Variants in CDC42BPG observed in about 807,000 individuals in gnomAD.
CDC42BPG encodes the protein serine/threonine-protein kinase MRCK gamma.
In CDC42BPG, 157 loss-of-function variants were observed where a neutral mutation model predicts 192.2. That is an observed-to-expected ratio of 0.82 (90% CI 0.72 to 0.93). The LOEUF (loss-of-function observed/expected upper bound fraction) is 0.93, where lower values mean the gene tolerates loss of function less well. Among genes scored for constraint, CDC42BPG ranks in the 40% least tolerant of loss-of-function variants. The pLI is 0.00. For missense variants in CDC42BPG, 1,992 were observed against 2,122.1 expected (o/e 0.94, Z 1.20); for synonymous variants, 981 against 918.5 (o/e 1.07, Z -1.23).
intron 18 of CDC42BPG, 67 bp downstream of exon 18, chr11:64,834,782 G>A: frequency 6.8e-7 from 1 of 1,472,818 alleles, no homozygotes; most frequent in Non-Finnish European, 9.3e-7. Context: ...CAGTAGCAGG[G>A]ATGCTGAGCT....
In CDC42BPG at chr11:64,827,325, G is replaced by A; in HGVS notation, c.4224C>T (p.Arg1408=). The A allele has an allele frequency of 6.2e-7, 1 of 1,614,080 alleles. No homozygotes were observed. The highest frequency in any genetic ancestry group is 1.1e-5 in the South Asian group (1 of 91,072). ...RRQLFRTKSK[R]RFFFRVSEEQ... ...CCTCCGACACGCGGAAAAAGAAGCGGCGCTTGCTCTTGGTGCGGAACAGCT... is the reference window on the plus strand; with the variant it reads ...CCTCCGACACGCGGAAAAAGAAGCGACGCTTGCTCTTGGTGCGGAACAGCT... The change falls in exon 33 of 37, where the codon CGC becomes CGT. Residue 1408 remains arginine, a synonymous_variant. Transcript: ENST00000342711.
At chr11:64,839,000 C>A (rs1192487438) in intron 7 of CDC42BPG, 33 bp downstream of exon 7, 1 of 1,612,728 alleles carries the variant, frequency 6.2e-7, no homozygotes, top group Admixed American at 1.7e-5. Flanking sequence ...GTCCCACTGC[C>A]CCCTCTGGAA....
chr11:64,835,017 T>TGCCCCCCCC, intron 17 of CDC42BPG, 30 bp downstream of exon 17: 15 of 1,571,924 alleles, frequency 9.5e-6, no homozygotes, highest in Non-Finnish European at 1.3e-5. Context: ...TCGCCTGCGT[T>TGCCCCCCCC]CCCCACCCCG....
chr11:64,830,319 A>AG, intron 28 of CDC42BPG, 63 bp from the exon 29 acceptor site: 3 of 1,350,306 alleles, frequency 2.2e-6, no homozygotes, highest in Non-Finnish European at 3.1e-6. Flanking sequence ...GAGATTGGGC[A>AG]GTCCACCTGC....
chr11:64,844,352 G>A, intron 1 of CDC42BPG, 58 bp downstream of exon 1: 1 of 1,325,952 alleles, frequency 7.5e-7, no homozygotes, highest in Non-Finnish European at 9.7e-7. Context: ...TGCGGGTGCG[G>A]GGGTCTCGGC....
rs71584499 is a variant in CDC42BPG at position 64,836,720 on chromosome 11, G to T, written c.1384+19C>A. On this transcript the variant is annotated intron_variant, in intron 11 of 36. Transcript: ENST00000342711. ...GGACTCAGCCCTGGGGGGGGGGGGG[G>T]GGTGGGCGGAAGGGATACCTGGCAG... The T allele has an allele frequency of 4.5e-3, 3,759 of 843,840 alleles. 236 individuals carry two copies. In the African/African-American group the frequency reaches 0.063, roughly 14 times the overall value. 52.3% of individuals were successfully genotyped at this position (843,840 alleles called of 1,614,324 possible).
Position 64,838,099 on chromosome 11 carries a change from T to C in CDC42BPG, c.1189A>G (p.Thr397Ala), listed in dbSNP as rs747781182. 3.2e-6 allele frequency: 5 copies of C among 1,551,452 alleles called. No homozygotes were observed. In the Admixed American group the frequency reaches 9.8e-5, roughly 30 times the overall value. ...SGHHLPFVGF[T>A]YTSGSHSPES... is the part of the protein sequence containing the mutation. ...TAGCCTCACCTGCCTGAGGTGTAGGTGAAGCCCACGAATGGCAGGTGATGG... is the reference window on the plus strand; with the variant it reads ...TAGCCTCACCTGCCTGAGGTGTAGGCGAAGCCCACGAATGGCAGGTGATGG... The change falls in exon 9 of 37, where the codon ACC (threonine) becomes GCC (alanine). Residue 397 changes from threonine (T) to alanine (A), a missense_variant. Coordinates refer to ENST00000342711, the MANE Select transcript of CDC42BPG (RefSeq NM_017525.3).
Position 64,827,794 on chromosome 11 carries a change from G to T in CDC42BPG, c.3968-11C>A, listed in dbSNP as rs750508710. 1.9e-6 allele frequency: 3 copies of T among 1,592,454 alleles called. No individual in the cohort carries two copies. Among genetic ancestry groups the T allele is most frequent in the African/African-American group, 1.3e-5 (1 of 74,514 alleles). On this transcript the variant is annotated splice_polypyrimidine_tract_variant and intron_variant, in intron 30 of 36. Transcript: ENST00000342711. ...AGGGGGCCGCATACCCTGCGGGCAC[G>T]CCAGGCACCTCTGAGCTGTTTCCCC...
At position 64,832,669 on chromosome 11, in the gene CDC42BPG, C is replaced by T; in HGVS notation, c.2940G>A (p.Leu980=). The change falls in exon 26 of 37, where the codon CTG becomes CTA. Residue 980 remains leucine (L), a synonymous_variant. Transcript: ENST00000342711. ...FAALSDSRLL[L]FDAPDLRLSP... is the part of the protein sequence containing the mutation. ...TGAGCCTCAGGTCAGGGGCGTCAAA[C>T]AGCAGCAGGCGTGAGTCACTCAGGG... 1 of 1,613,656 alleles carries T rather than the reference C, an allele frequency of 6.2e-7. No homozygotes were observed. Among genetic ancestry groups the T allele is most frequent in the Non-Finnish European group, 8.5e-7 (1 of 1,179,974 alleles).
intron 30 of CDC42BPG, 84 bp from the exon 31 acceptor site, chr11:64,827,867 A>AC (rs2136251126): frequency 5.2e-6 from 6 of 1,149,838 alleles, no homozygotes; most frequent in Non-Finnish European, 7.3e-6. Flanking sequence ...CACAGTAACT[A>AC]CCATGCCCCA....
Position 64,832,462 on chromosome 11 carries a change from T to C in CDC42BPG, c.3053A>G (p.His1018Arg). 6.2e-7 allele frequency: 1 copy of C among 1,614,066 alleles called. No homozygotes were observed. ...ATPVLASDVI[H>R]AQSRDLPRIF... ...GCGTGGCAGGTCCCTGGATTGGGCATGGATAACATCAGAGGCCAGGACAGG... is the reference window on the plus strand; with the variant it reads ...GCGTGGCAGGTCCCTGGATTGGGCACGGATAACATCAGAGGCCAGGACAGG... Residue 1018 changes from histidine to arginine, a missense_variant, in exon 27 of 37, where the codon CAT (histidine) becomes CGT (arginine). By Grantham distance (29) the His-to-Arg change is conservative. Coordinates refer to ENST00000342711, the MANE Select transcript of CDC42BPG (RefSeq NM_017525.3).
In CDC42BPG at chr11:64,827,392, T is replaced by C. The variant is rs749492785; in HGVS notation, c.4157A>G (p.Asp1386Gly). 1.9e-6 allele frequency: 3 copies of C among 1,613,218 alleles called. No individual in the cohort carries two copies. The highest frequency in any genetic ancestry group is 1.1e-5 in the South Asian group (1 of 91,066). The change falls in exon 33 of 37, where the codon GAC becomes GGC. Residue 1386 changes from aspartate (D) to glycine (G), a missense_variant. Asp to Gly is a moderately conservative substitution (Grantham distance 94). This residue lies in a region of CDC42BPG where 336 missense variants were observed against 277.9 expected (regional missense o/e 1.21). Coordinates refer to ENST00000342711, the MANE Select transcript of CDC42BPG (RefSeq NM_017525.3). ...TYLRNQLAEK[D>G]EFDIPDLTDN... The stretch of plus-strand genomic sequence containing the variant: ...GGTGAGGTCCGGGATGTCGAACTCG[T>C]CCTTCTCTGTGGGAGAAGTGGAGAG...
At chr11:64,838,401 C>T (rs1234926354) in intron 8 of CDC42BPG, among the ~76,000 whole-genome samples, 1 of 152,212 alleles carries the variant, frequency 6.6e-6, no homozygotes, top group African/African-American at 2.4e-5. Flanking sequence ...AGGCCCTTCC[C>T]TTGACACAGC....
intron 8 of CDC42BPG, 113 bp downstream of exon 8, chr11:64,838,541 C>G: frequency 7.3e-7 from 1 of 1,371,506 alleles, no homozygotes; most frequent in South Asian, 1.3e-5. Flanking sequence ...TCATAAGCCC[C>G]GGTGTCTGAA....
chr11:64,844,466 T>G lies in CDC42BPG; in HGVS notation c.104A>C (p.Glu35Ala). 9 of 1,457,504 alleles carry G rather than the reference T, an allele frequency of 6.2e-6. No individual in the cohort carries two copies. Among genetic ancestry groups the G allele is most frequent in the Non-Finnish European group, 8.1e-6 (9 of 1,109,604 alleles). The allele number at this position is 1,457,504 out of a possible 1,614,324, so 90.3% of individuals were successfully genotyped here. The part of the protein sequence containing the change: ...LLDLLLALHH[E>A]LSSGPLRRER... ...CCGCCGTAGGGGGCCGCTGCTGAGCTCGTGGTGCAGCGCCAGCAGCAGATC... is the reference window on the plus strand; with the variant it reads ...CCGCCGTAGGGGGCCGCTGCTGAGCGCGTGGTGCAGCGCCAGCAGCAGATC... Residue 35 changes from glutamate (E) to alanine (A), a missense_variant, in exon 1 of 37, where the codon GAG becomes GCG. This residue lies in a region of CDC42BPG where 1,656 missense variants were observed against 1,844.3 expected (regional missense o/e 0.90). Transcript: ENST00000342711.
chr11:64,844,449 G>A lies in CDC42BPG; in HGVS notation c.121C>T (p.Leu41=), dbSNP rs1031301297. 6.8e-7 allele frequency: 1 copy of A among 1,474,306 alleles called. No homozygotes were observed. The highest frequency in any genetic ancestry group is 8.9e-7 in the Non-Finnish European group (1 of 1,118,514). The allele number at this position is 1,474,306 out of a possible 1,614,324, so 91.3% of individuals were successfully genotyped here. ...TGCGCCACGCTGCGCTCCCGCCGTA[G>A]GGGGCCGCTGCTGAGCTCGTGGTGC... The part of the protein sequence containing the change: ...ALHHELSSGP[L]RRERSVAQFL... The change falls in exon 1 of 37, where the codon CTA becomes TTA. Residue 41 remains leucine, a synonymous_variant. Transcript: ENST00000342711.
rs141265290 is a variant in CDC42BPG, at chr11:64,832,630, C to T, written c.2979G>A (p.Gly993=). The change falls in exon 26 of 37, where the codon GGG becomes GGA. Residue 993 remains glycine, a synonymous_variant. Coordinates refer to ENST00000342711, the MANE Select transcript of CDC42BPG (RefSeq NM_017525.3). ...APDLRLSPPS[G]ALLQVLDLRD... ...TCAGATCTAGGACCTGCAGGAGGGC[C>T]CCACTGGGCGGGCTGAGCCTCAGGT... 3.1e-6 allele frequency: 5 copies of T among 1,613,760 alleles called. No individual in the cohort carries two copies. The highest frequency in any genetic ancestry group is 1.3e-5 in the African/African-American group (1 of 74,908).
intron 16 of CDC42BPG, 29 bp from the exon 17 acceptor site, chr11:64,835,182 C>T: frequency 6.2e-7 from 1 of 1,602,186 alleles, no homozygotes; most frequent in Non-Finnish European, 8.5e-7. Context: ...AAGGTCAGCC[C>T]CAGGCCCCAG....
At chr11:64,841,582 CT>C in intron 3 of CDC42BPG, 67 bp downstream of exon 3, 1 of 1,394,842 alleles carries the variant, frequency 7.2e-7, no homozygotes, top group Non-Finnish European at 1.0e-6. Context: ...GCCATAGGCC[CT>C]GGCAGCATAC....
Sources: gnomAD v4.1 joint callset for allele counts (sites outside exome capture counted in the v4.1 genomes callset) on GRCh38, gnomAD v4.1.1 for gene constraint, gnomAD v4.1.1 regional missense constraint, MANE v1.5 for transcripts, NCBI Gene and HGNC (gene_info 2026-07-23, HGNC 2026-07-21) for gene names.